The following ADGRL3 variants were observed in gnomAD, a reference collection of about 807,000 sequenced individuals.
ADGRL3 encodes calcium-independent alpha-latrotoxin receptor 3.
Under a neutral mutation model 153.5 loss-of-function variants are expected in ADGRL3, and 62 were observed. The ratio of observed to expected loss-of-function variants is 0.40; its 90% CI spans 0.33 to 0.50. The LOEUF is 0.50. Ranked by LOEUF, ADGRL3 falls within the 20% of genes least tolerant of loss-of-function variation. The pLI is 0.47. For synonymous variants in ADGRL3, 710 were observed against 672.5 expected (o/e 1.06, Z -0.86); for missense variants, 1,641 against 1,859.4 (o/e 0.88, Z 2.16).
intron 1 of ADGRL3, among the ~76,000 whole-genome samples, chr4:61,358,530 G>A (rs2096226010): frequency 6.9e-6 from 1 of 145,728 alleles, no homozygotes; most frequent in African/African-American, 2.5e-5. Flanking sequence ...TCGGGAGGCG[G>A]AGCTTGCAGT....
chr4:61,751,222 C>G (rs2096752970), intron 8 of ADGRL3, among the ~76,000 whole-genome samples: 1 of 152,130 alleles, frequency 6.6e-6, no homozygotes, highest in Admixed American at 6.5e-5. Context: ...TTTATCAAAT[C>G]AGAGCCTGAA....
chr4:61,732,226 C>CT (rs1356401660), intron 7 of ADGRL3, among the ~76,000 whole-genome samples: 4 of 151,898 alleles, frequency 2.6e-5, no homozygotes, highest in Non-Finnish European at 4.4e-5. Flanking sequence ...ACGTTGAGAG[C>CT]TTTTTTGCTA....
At chr4:61,769,626 G>C (rs1370384828) in intron 8 of ADGRL3, among the ~76,000 whole-genome samples, 1 of 152,122 alleles carries the variant, frequency 6.6e-6, no homozygotes, top group East Asian at 1.9e-4. Context: ...GGTGCAGGCA[G>C]GCTGAGTCCG....
intron 4 of ADGRL3, among the ~76,000 whole-genome samples, chr4:61,585,890 CAT>C: frequency 6.6e-6 from 1 of 151,886 alleles, no homozygotes; most frequent in East Asian, 1.9e-4. Context: ...GTGTGTTTCT[CAT>C]AAATATGAAG....
At chr4:61,604,946 C>A (rs972924812) in intron 5 of ADGRL3, among the ~76,000 whole-genome samples, 1 of 151,640 alleles carries the variant, frequency 6.6e-6, no homozygotes, top group African/African-American at 2.4e-5. Flanking sequence ...AAAACTTAGC[C>A]GGGTGTGGTG....
At chr4:61,392,579 C>T (rs2096822205) in intron 2 of ADGRL3, among the ~76,000 whole-genome samples, 2 of 147,624 alleles carry the variant, frequency 1.4e-5, no homozygotes, top group Non-Finnish European at 3.0e-5. Flanking sequence ...CCAGCTACTT[C>T]GTAGGCTGAG....
At chr4:62,039,051 C>A (rs1437708307) in intron 24 of ADGRL3, among the ~76,000 whole-genome samples, 2 of 151,910 alleles carry the variant, frequency 1.3e-5, no homozygotes, top group African/African-American at 4.8e-5. Context: ...TTTAGCTCAA[C>A]CTATATATCT....
intron 2 of ADGRL3, among the ~76,000 whole-genome samples, 180 bp from the exon 3 acceptor site, chr4:61,496,940 TA>T (rs5858706): frequency 0.91 from 131,154 of 144,914 alleles, 60,437 homozygotes; most frequent in Non-Finnish European, 0.99. Context: ...GACTCCATCT[TA>T]AAAAAAAAAA....
At chr4:61,740,692 A>C (rs2096571421) in intron 8 of ADGRL3, among the ~76,000 whole-genome samples, 1 of 152,324 alleles carries the variant, frequency 6.6e-6, no homozygotes, top group African/African-American at 2.4e-5. Context: ...AAAATTTCCT[A>C]AAATTAGTAT....
intron 1 of ADGRL3, among the ~76,000 whole-genome samples, chr4:61,238,339 A>G (rs1323536778): frequency 6.6e-6 from 1 of 152,094 alleles, no homozygotes; most frequent in Non-Finnish European, 1.5e-5. Flanking sequence ...GAACTCCCTT[A>G]TACTCTCTGT....
At chr4:61,456,726 G>C (rs1235587785) in intron 2 of ADGRL3, among the ~76,000 whole-genome samples, 1 of 151,484 alleles carries the variant, frequency 6.6e-6, no homozygotes, top group African/African-American at 2.4e-5. Context: ...GCTGTGTTTT[G>C]AGGTGGGTCT....
chr4:61,284,667 A>C (rs1357105905), intron 1 of ADGRL3, among the ~76,000 whole-genome samples: 1 of 151,868 alleles, frequency 6.6e-6, no homozygotes, highest in Non-Finnish European at 1.5e-5. Flanking sequence ...GTATGGTTTA[A>C]ATTTTTATGA....
At chr4:61,903,405 C>T (rs1235955459) in intron 11 of ADGRL3, among the ~76,000 whole-genome samples, 4 of 152,068 alleles carry the variant, frequency 2.6e-5, no homozygotes, top group Non-Finnish European at 4.4e-5. Context: ...TTATGCACCT[C>T]GTCCCAAGCC....
chr4:61,341,509 C>CAT (rs1006279349), intron 1 of ADGRL3, among the ~76,000 whole-genome samples: 2 of 150,436 alleles, frequency 1.3e-5, no homozygotes, highest in African/African-American at 2.4e-5. Flanking sequence ...TATGGGGCAT[C>CAT]ATATATATAT....
At chr4:61,780,903 A>T (rs1230026824) in intron 8 of ADGRL3, among the ~76,000 whole-genome samples, 1 of 152,210 alleles carries the variant, frequency 6.6e-6, no homozygotes, top group East Asian at 1.9e-4. Flanking sequence ...GCATCTCTTG[A>T]CTTTGATCCA....
intron 17 of ADGRL3, among the ~76,000 whole-genome samples, chr4:61,950,565 A>G (rs2098943181): frequency 6.6e-6 from 1 of 152,246 alleles, no homozygotes; most frequent in Non-Finnish European, 1.5e-5. Context: ...AAACAGAAAC[A>G]AATATCTAAA....
In ADGRL3 at chr4:61,809,806, T is replaced by C. The variant is rs180798676; in HGVS notation, c.1400-4003T>C. On this transcript the variant is annotated intron_variant, in intron 8 of 26. Coordinates refer to ENST00000683033, the MANE Select transcript of ADGRL3 (RefSeq NM_001387552.1). ...TGAATTAATGAACAAAAGAATGAAC[T>C]TCTAGTAATAATAACAGCTAAAAAT... is the stretch of plus-strand genomic sequence containing the variant. Among the ~76,000 whole-genome samples, 104 of 151,946 alleles carry C rather than the reference T, an allele frequency of 6.8e-4. 1 individual carries two copies. The highest frequency in any genetic ancestry group is 2.5e-3 in the African/African-American group (102 of 41,462).
chr4:61,928,208 T>G (rs922973101), intron 13 of ADGRL3, among the ~76,000 whole-genome samples: 12 of 152,120 alleles, frequency 7.9e-5, no homozygotes, highest in African/African-American at 2.9e-4. Flanking sequence ...TTAGTATAAA[T>G]GTATCTATTA....
intron 24 of ADGRL3, among the ~76,000 whole-genome samples, chr4:62,038,829 A>C: frequency 6.6e-6 from 1 of 151,984 alleles, no homozygotes; most frequent in East Asian, 1.9e-4. Context: ...GCCTGGTCTC[A>C]AATTCCTGGC....
Sources: allele counts gnomAD v4.1 joint callset (sites outside exome capture counted in the v4.1 genomes callset), GRCh38; gene constraint gnomAD v4.1.1; transcripts MANE v1.5; gene names NCBI Gene and HGNC (gene_info 2026-07-23, HGNC 2026-07-21).